Variants in AKT3 observed in about 807,000 individuals in gnomAD.
AKT3 encodes the protein RAC-gamma serine/threonine-protein kinase.
Under a neutral mutation model 65.3 loss-of-function variants are expected in AKT3, and 15 were observed. The observed-to-expected ratio is 0.23, with a 90% CI of 0.15 to 0.35. The LOEUF (loss-of-function observed/expected upper bound fraction) is 0.35, where lower values mean the gene tolerates loss of function less well. Ranked by LOEUF, AKT3 falls within the 10% of genes least tolerant of loss-of-function variation. The pLI is 1.00. For synonymous variants in AKT3, 206 were observed against 183.8 expected (o/e 1.12, Z -0.98); for missense variants, 243 against 576.5 (o/e 0.42, Z 5.92).
intron 5 of AKT3, among the ~76,000 whole-genome samples, chr1:243,638,159 T>C (rs1389843635): frequency 1.3e-5 from 2 of 152,162 alleles, no homozygotes; most frequent in Admixed American, 6.5e-5. Context: ...GAAGGAGCTA[T>C]CTGAGAATTT....
At chr1:243,771,707 A>G in intron 2 of AKT3, among the ~76,000 whole-genome samples, 1 of 146,624 alleles carries the variant, frequency 6.8e-6, no homozygotes, top group Non-Finnish European at 1.6e-5. Flanking sequence ...AGGTTCAAGT[A>G]AGACTAATCA....
At chr1:243,766,838 G>C (rs925894428) in intron 2 of AKT3, among the ~76,000 whole-genome samples, 15 of 152,084 alleles carry the variant, frequency 9.9e-5, no homozygotes, top group African/African-American at 3.4e-4. Context: ...CGTGCACAGG[G>C]GACTGAAGTA....
chr1:243,636,949 T>A (rs1423236433), intron 6 of AKT3, among the ~76,000 whole-genome samples: 1 of 152,088 alleles, frequency 6.6e-6, no homozygotes, highest in African/African-American at 2.4e-5. Context: ...TAACTGGAAG[T>A]TGAAGTAGTC....
intron 6 of AKT3, among the ~76,000 whole-genome samples, chr1:243,624,084 G>A (rs1397323456): frequency 1.3e-5 from 2 of 152,170 alleles, no homozygotes; most frequent in African/African-American, 4.8e-5. Flanking sequence ...CTTAGGGACA[G>A]CTGACACAGT....
intron 2 of AKT3, among the ~76,000 whole-genome samples, chr1:243,829,518 A>G (rs763752441): frequency 2.0e-5 from 3 of 152,224 alleles, no homozygotes; most frequent in Non-Finnish European, 4.4e-5. Flanking sequence ...AGGTATTCTC[A>G]ATACACAAAA....
intron 6 of AKT3, among the ~76,000 whole-genome samples, chr1:243,623,531 A>C (rs1420390516): frequency 6.6e-6 from 1 of 152,106 alleles, no homozygotes; most frequent in Non-Finnish European, 1.5e-5. Context: ...AATAGGACCC[A>C]AAAAAGCAAA....
At chr1:243,527,820 C>T (rs1018279140) in intron 12 of AKT3, among the ~76,000 whole-genome samples, 6 of 144,900 alleles carry the variant, frequency 4.1e-5, no homozygotes, top group Non-Finnish European at 8.9e-5. Flanking sequence ...GAGCTGTGAT[C>T]GTGCCACTGC....
chr1:243,695,430 C>T (rs1685002093), intron 3 of AKT3, among the ~76,000 whole-genome samples, 161 bp downstream of exon 3: 1 of 151,832 alleles, frequency 6.6e-6, no homozygotes, highest in Admixed American at 6.6e-5. Context: ...TATCGATAAC[C>T]TCTATGCTAA....
In AKT3 at chr1:243,503,924, T is replaced by A; in HGVS notation, c.*1325A>T. 4.4e-6 allele frequency: 1 copy of A among 226,532 alleles called. No individual in the cohort carries two copies. Among genetic ancestry groups the A allele is most frequent in the Non-Finnish European group, 8.8e-6 (1 of 113,668 alleles). The allele number at this position is 226,532 out of a possible 1,614,324, so 14.0% of individuals were successfully genotyped here. ...GCCAGGTCATCATAACGTTTCAAAT[T>A]CTTAAATGAGCAAACGTCAACAGCT... On this transcript the variant is annotated 3_prime_UTR_variant, in exon 14 of 14. Transcript: ENST00000673466.
rs144974973 is a variant in AKT3, at chr1:243,820,414, A to T, written c.46+22711T>A. Among the ~76,000 whole-genome samples the T allele has an allele frequency of 1.5e-3, 230 of 152,302 alleles. 1 individual carries two copies. The highest frequency in any genetic ancestry group is 5.3e-3 in the African/African-American group (222 of 41,568). ...GCCTCTTCTCCTCCAAATGATCACA[A>T]CATCTCTCCAGCAAGGGCACTCAAC... On this transcript the variant is annotated intron_variant, in intron 2 of 13. Transcript: ENST00000673466.
Position 243,503,127 on chromosome 1 carries a change from T to C in AKT3, c.*2122A>G, listed in dbSNP as rs1669427443. The stretch of plus-strand genomic sequence containing the variant: ...AAAAAAAAAAGATTAGCTATGTGTG[T>C]AAGTAAGAATGAACTACCATTTACT... On this transcript the variant is annotated 3_prime_UTR_variant, in exon 14 of 14. Transcript: ENST00000673466. The C allele has an allele frequency of 4.3e-6, 1 of 233,550 alleles. No individual in the cohort carries two copies. Among genetic ancestry groups the C allele is most frequent in the South Asian group, 1.8e-4 (1 of 5,530 alleles). The allele number at this position is 233,550 out of a possible 1,614,324, so 14.5% of individuals were successfully genotyped here.
intron 2 of AKT3, among the ~76,000 whole-genome samples, chr1:243,801,423 G>A (rs529410680): frequency 2.6e-5 from 4 of 152,268 alleles, no homozygotes; most frequent in Admixed American, 2.6e-4. Context: ...AATGTTCAAT[G>A]AAACAGGACT....
intron 12 of AKT3, among the ~76,000 whole-genome samples, chr1:243,527,642 T>A (rs915957976): frequency 6.6e-6 from 1 of 152,122 alleles, no homozygotes; most frequent in Non-Finnish European, 1.5e-5. Flanking sequence ...TCTGAGCCTA[T>A]CCCTACATGT....
At chr1:243,662,917 C>G (rs1203135420) in intron 4 of AKT3, among the ~76,000 whole-genome samples, 1 of 152,090 alleles carries the variant, frequency 6.6e-6, no homozygotes, top group African/African-American at 2.4e-5. Context: ...ATTACAGGAA[C>G]AGCAGAGGAT....
intron 6 of AKT3, among the ~76,000 whole-genome samples, chr1:243,620,492 G>A (rs1374275944): frequency 1.4e-5 from 2 of 139,212 alleles, no homozygotes; most frequent in Admixed American, 1.6e-4. Flanking sequence ...CTTTTCCACT[G>A]TCTCAACAAG....
chr1:243,830,038 C>G (rs532869547), intron 2 of AKT3, among the ~76,000 whole-genome samples: 1 of 152,174 alleles, frequency 6.6e-6, no homozygotes. Flanking sequence ...GATACCAATA[C>G]AGTCAGCCCT....
At chr1:243,667,993 C>T (rs1004039049) in intron 3 of AKT3, among the ~76,000 whole-genome samples, 2 of 152,156 alleles carry the variant, frequency 1.3e-5, no homozygotes, top group Non-Finnish European at 2.9e-5. Context: ...CACCCCTTAC[C>T]TAGGACTCTC....
Position 243,502,017 on chromosome 1 carries a change from C to T in AKT3, c.*3232G>A, listed in dbSNP as rs147485107. On this transcript the variant is annotated 3_prime_UTR_variant, in exon 14 of 14. Coordinates refer to ENST00000673466, the MANE Select transcript of AKT3 (RefSeq NM_005465.7). The stretch of plus-strand genomic sequence containing the variant: ...CTTAACCAGATGACTAGATCTTGCG[C>T]AGATCTAATGAAAGAACTAGCAAGG... 1.0e-3 allele frequency: 239 copies of T among 232,612 alleles called. 1 individual carries two copies. The highest frequency in any genetic ancestry group is 5.0e-3 in the African/African-American group (229 of 45,426). The allele number at this position is 232,612 out of a possible 1,614,324, so 14.4% of individuals were successfully genotyped here. A position where few individuals can be genotyped will look rare whatever the true frequency, so the allele number is the denominator to read the frequency against.
chr1:243,488,456 G>GTCGCCGTATCATTA, intron 13 of AKT3: 4 of 169,058 alleles, frequency 2.4e-5, no homozygotes, highest in South Asian at 1.5e-4. Context: ...GCCGACTGTG[G>GTCGCCGTATCATTA]ACAGATGAGG....
Sources: allele counts gnomAD v4.1 joint callset (sites outside exome capture counted in the v4.1 genomes callset), GRCh38; gene constraint gnomAD v4.1.1; transcripts MANE v1.5; gene names NCBI Gene and HGNC (gene_info 2026-07-23, HGNC 2026-07-21).